Variants in MCPH1 observed in about 807,000 individuals in gnomAD.
The protein encoded by MCPH1 is microcephalin 1.
Under a neutral mutation model 84.5 loss-of-function variants are expected in MCPH1, and 104 were observed. That is an observed-to-expected ratio of 1.23 (90% CI 1.05 to 1.45). MCPH1 has a LOEUF of 1.45. Among genes scored for constraint, MCPH1 ranks in the 40% most tolerant of loss-of-function variants. The pLI, the probability that MCPH1 is intolerant of heterozygous loss-of-function variation, is 0.00. For synonymous variants in MCPH1, 514 were observed against 366.8 expected (o/e 1.40, Z -4.58); for missense variants, 1,498 against 1,005.7 (o/e 1.49, Z -6.62).
intron 12 of MCPH1, among the ~76,000 whole-genome samples, chr8:6,505,614 TA>T (rs1813442160): frequency 7.8e-6 from 1 of 128,744 alleles, no homozygotes; most frequent in Admixed American, 8.4e-5. Flanking sequence ...ATATATTCTT[TA>T]TATATTTATA....
chr8:6,499,467 A>G (rs189508322), intron 11 of MCPH1, among the ~76,000 whole-genome samples: 1 of 152,310 alleles, frequency 6.6e-6, no homozygotes, highest in Non-Finnish European at 1.5e-5. Context: ...ATCTTCTTTT[A>G]ATTCACTGTT....
intron 9 of MCPH1, among the ~76,000 whole-genome samples, chr8:6,470,734 A>G (rs1807609934): frequency 1.3e-5 from 2 of 152,278 alleles, no homozygotes; most frequent in African/African-American, 4.8e-5. Flanking sequence ...GCCAGTGGCC[A>G]TGCCACAGGA....
chr8:6,424,493 A>G lies in MCPH1; in HGVS notation c.234-7006A>G, dbSNP rs974883294. ...AATCCTCAGACTCCATTCCTATCCTACCAGCAGCCAGCTCCACTTCCCGCC... is the reference window on the plus strand; with the variant it reads ...AATCCTCAGACTCCATTCCTATCCTGCCAGCAGCCAGCTCCACTTCCCGCC... On this transcript the variant is annotated intron_variant, in intron 3 of 13. Coordinates refer to ENST00000344683, the MANE Select transcript of MCPH1 (RefSeq NM_024596.5). 1.3e-5 allele frequency among the ~76,000 whole-genome samples: 2 copies of G among 151,988 alleles called. 1 individual carries two copies. The highest frequency in any genetic ancestry group is 4.8e-5 in the African/African-American group (2 of 41,366).
intron 13 of MCPH1, among the ~76,000 whole-genome samples, chr8:6,640,803 A>T (rs1025072619): frequency 2.0e-5 from 3 of 152,212 alleles, no homozygotes; most frequent in Non-Finnish European, 2.9e-5. Context: ...TTATAGTTTT[A>T]AAAAATATTT....
intron 3 of MCPH1, among the ~76,000 whole-genome samples, chr8:6,423,422 C>G (rs1042129815): frequency 6.6e-6 from 1 of 152,084 alleles, no homozygotes; most frequent in African/African-American, 2.4e-5. Context: ...GCCTCGGCCT[C>G]CCAAAGTGCT....
intron 12 of MCPH1, among the ~76,000 whole-genome samples, chr8:6,534,608 C>T (rs555150516): frequency 4.6e-5 from 7 of 152,088 alleles, no homozygotes; most frequent in African/African-American, 1.4e-4. Context: ...CAGAGTAGAC[C>T]ACTACTTTAA....
chr8:6,441,770 C>T lies in MCPH1; in HGVS notation c.581-297C>T, dbSNP rs533207686. Among the ~76,000 whole-genome samples, 3 of 152,312 alleles carry T rather than the reference C, an allele frequency of 2.0e-5. No individual in the cohort carries two copies. The East Asian group carries it at 5.8e-4, about 29-fold the overall frequency. ...ACATTACCAAATATCTGCTGGGACCCCAACGTCACCTCTGGTTGGGAAGCA... is the reference window on the plus strand; with the variant it reads ...ACATTACCAAATATCTGCTGGGACCTCAACGTCACCTCTGGTTGGGAAGCA... On this transcript the variant is annotated intron_variant, in intron 6 of 13. Coordinates refer to ENST00000344683, the MANE Select transcript of MCPH1 (RefSeq NM_024596.5).
chr8:6,639,511 A>C (rs1419605659), intron 13 of MCPH1, among the ~76,000 whole-genome samples: 2 of 152,124 alleles, frequency 1.3e-5, no homozygotes, highest in African/African-American at 4.8e-5. Flanking sequence ...AAAAATTTTA[A>C]AAGTAGCCTG....
At position 6,442,386 on chromosome 8, in the gene MCPH1, A is replaced by G. The variant is rs1396969486; in HGVS notation, c.670+230A>G. 2.0e-5 allele frequency among the ~76,000 whole-genome samples: 3 copies of G among 152,286 alleles called. No individual in the cohort carries two copies. In the East Asian group the frequency reaches 5.8e-4, roughly 29 times the overall value. On this transcript the variant is annotated intron_variant, in intron 7 of 13. Coordinates refer to ENST00000344683, the MANE Select transcript of MCPH1 (RefSeq NM_024596.5). ...CTAGGCATTTGCTTTCTTGCTACAG[A>G]ATCCATTGCTCTATTTAAAAAATTA...
At chr8:6,526,048 G>T (rs781268487) in intron 12 of MCPH1, among the ~76,000 whole-genome samples, 29 of 152,052 alleles carry the variant, frequency 1.9e-4, no homozygotes, top group Admixed American at 7.9e-4. Flanking sequence ...ACAGGCAAGA[G>T]AAAAGTAATC....
At chr8:6,425,640 A>G (rs150133162) in intron 3 of MCPH1, among the ~76,000 whole-genome samples, 6 of 152,352 alleles carry the variant, frequency 3.9e-5, no homozygotes, top group African/African-American at 1.4e-4. Flanking sequence ...CCACAACTGT[A>G]TAACCTATGT....
intron 6 of MCPH1, among the ~76,000 whole-genome samples, chr8:6,439,407 T>C (rs1803165088): frequency 6.7e-6 from 1 of 150,218 alleles, no homozygotes. Context: ...TTTTTTTTTC[T>C]GAGATGGAGT....
At chr8:6,434,206 T>A (rs1802307049) in intron 4 of MCPH1, among the ~76,000 whole-genome samples, 1 of 152,150 alleles carries the variant, frequency 6.6e-6, no homozygotes, top group African/African-American at 2.4e-5. Flanking sequence ...TAGAGAAGAT[T>A]CACAGGACCC....
chr8:6,431,917 T>A (rs565090347), intron 4 of MCPH1, among the ~76,000 whole-genome samples: 2 of 152,372 alleles, frequency 1.3e-5, no homozygotes, highest in East Asian at 3.9e-4. Context: ...ACCTGCATTC[T>A]GTTTAGCCAG....
chr8:6,493,055 A>G (rs1346763696), intron 11 of MCPH1, among the ~76,000 whole-genome samples: 1 of 152,156 alleles, frequency 6.6e-6, no homozygotes, highest in African/African-American at 2.4e-5. Flanking sequence ...TCATACAGTG[A>G]AGTGATGTTT....
At chr8:6,641,345 G>T (rs940768754) in intron 13 of MCPH1, among the ~76,000 whole-genome samples, 13 of 152,140 alleles carry the variant, frequency 8.5e-5, no homozygotes, top group Admixed American at 2.0e-4. Flanking sequence ...ATCGGAAAAG[G>T]CTTCCACCTA....
At chr8:6,422,925 T>G (rs2442530) in intron 3 of MCPH1, among the ~76,000 whole-genome samples, 101,332 of 151,370 alleles carry the variant, frequency 0.67, 38,072 homozygotes, top group Non-Finnish European at 0.82. Context: ...CCTGACCTTG[T>G]GATCCGCCCT....
rs148464618 is a variant in MCPH1, at chr8:6,644,726, G to T, written c.*1677G>T. 1.3e-5 allele frequency: 2 copies of T among 152,308 alleles called. No individual in the cohort carries two copies. The highest frequency in any genetic ancestry group is 4.8e-5 in the African/African-American group (2 of 41,554). 9.4% of individuals were successfully genotyped at this position (152,308 alleles called of 1,614,324 possible). On this transcript the variant is annotated 3_prime_UTR_variant, in exon 14 of 14. Transcript: ENST00000344683. ...GAGCCCTCATCGTGGTGCCGTTCCC[G>T]CTCTGGGTTATTTATCTGTTGCTCA...
At chr8:6,498,261 A>C (rs747123448) in intron 11 of MCPH1, among the ~76,000 whole-genome samples, 1 of 152,156 alleles carries the variant, frequency 6.6e-6, no homozygotes, top group Non-Finnish European at 1.5e-5. Flanking sequence ...TTTGTTTTTA[A>C]GTTTGCTTAC....
Sources: gnomAD v4.1 joint callset for allele counts (sites outside exome capture counted in the v4.1 genomes callset) on GRCh38, gnomAD v4.1.1 for gene constraint, MANE v1.5 for transcripts, NCBI Gene and HGNC (gene_info 2026-07-23, HGNC 2026-07-21) for gene names.